The following GALNT13 variants were observed in gnomAD, a reference collection of about 807,000 sequenced individuals.
GALNT13 encodes UDP-GalNAc:polypeptide N-acetylgalactosaminyltransferase 13.
In GALNT13, 28 loss-of-function variants were observed where a neutral mutation model predicts 64.2. The observed-to-expected ratio is 0.44, with a 90% CI of 0.32 to 0.60. The LOEUF (loss-of-function observed/expected upper bound fraction) is 0.60, where lower values mean the gene tolerates loss of function less well. GALNT13 is among the 20% of genes least tolerant of loss of function. GALNT13 has a pLI of 0.05. For missense variants in GALNT13, 577 were observed against 669.8 expected, an observed-to-expected ratio of 0.86 and a Z score of 1.53; for synonymous variants, 214 against 224.6, an observed-to-expected ratio of 0.95 and a Z score of 0.42.
the GALNT13 span, among the ~76,000 whole-genome samples, chr2:153,361,436 G>T: frequency 3.9e-5 from 6 of 151,968 alleles, no homozygotes; most frequent in African/African-American, 1.5e-4. Flanking sequence ...AGCTAAAGGA[G>T]CATGGTCTAA....
chr2:153,171,433 A>G, the GALNT13 span, among the ~76,000 whole-genome samples: 4 of 152,306 alleles, frequency 2.6e-5, no homozygotes, highest in African/African-American at 9.6e-5. Context: ...TTAGAAATGC[A>G]AAAACAACTC....
At chr2:153,802,691 A>G in the GALNT13 span, among the ~76,000 whole-genome samples, 1 of 152,238 alleles carries the variant, frequency 6.6e-6, no homozygotes, top group Non-Finnish European at 1.5e-5. Flanking sequence ...CATCCTGCAG[A>G]GGAGAAATAG....
intron 2 of GALNT13, among the ~76,000 whole-genome samples, chr2:153,932,520 T>C (rs1158753680): frequency 6.6e-6 from 1 of 152,026 alleles, no homozygotes; most frequent in Admixed American, 6.6e-5. Context: ...ATTTCTACCT[T>C]AATTTCATTG....
the GALNT13 span, among the ~76,000 whole-genome samples, chr2:153,619,084 G>T: frequency 6.6e-6 from 1 of 151,804 alleles, no homozygotes; most frequent in Non-Finnish European, 1.5e-5. Flanking sequence ...GTTGTTTTGT[G>T]GACTGCTCTT....
At chr2:153,889,773 G>T (rs72863624) in intron 1 of GALNT13, among the ~76,000 whole-genome samples, 24,614 of 151,298 alleles carry the variant, frequency 0.16, 2,381 homozygotes, top group East Asian at 0.26. Context: ...AATGTAGCTA[G>T]TGATTTTGAG....
At chr2:153,110,061 T>C in the GALNT13 span, among the ~76,000 whole-genome samples, 1 of 152,124 alleles carries the variant, frequency 6.6e-6, no homozygotes, top group African/African-American at 2.4e-5. Context: ...TTTCAACAGA[T>C]GGTTTTAAAT....
chr2:153,197,618 G>A, the GALNT13 span, among the ~76,000 whole-genome samples: 1 of 152,220 alleles, frequency 6.6e-6, no homozygotes, highest in Non-Finnish European at 1.5e-5. Flanking sequence ...TAAGCACAGT[G>A]GACCAACACC....
chr2:153,825,208 T>A, the GALNT13 span, among the ~76,000 whole-genome samples: 1 of 152,322 alleles, frequency 6.6e-6, no homozygotes, highest in Admixed American at 6.5e-5. Context: ...AAGTCAAAGA[T>A]GCTGCTTAAT....
At chr2:154,031,399 A>G (rs949541517) in intron 3 of GALNT13, among the ~76,000 whole-genome samples, 1 of 152,070 alleles carries the variant, frequency 6.6e-6, no homozygotes, top group African/African-American at 2.4e-5. Context: ...TAGATTTTTA[A>G]TTTAACAGTG....
the GALNT13 span, among the ~76,000 whole-genome samples, chr2:153,727,877 T>G: frequency 7.9e-3 from 1,202 of 152,262 alleles, 16 homozygotes; most frequent in African/African-American, 0.027. Context: ...GTATTTGTCC[T>G]AATGCTCTCC....
At chr2:154,111,857 G>C (rs1703004360) in intron 3 of GALNT13, among the ~76,000 whole-genome samples, 1 of 152,170 alleles carries the variant, frequency 6.6e-6, no homozygotes, top group Admixed American at 6.5e-5. Context: ...AAATCCAGGT[G>C]CTTCAGGATG....
chr2:153,462,317 C>T, the GALNT13 span, among the ~76,000 whole-genome samples: 1 of 151,926 alleles, frequency 6.6e-6, no homozygotes, highest in South Asian at 2.1e-4. Flanking sequence ...ATATTTTCTG[C>T]ATTTAAATTT....
intron 9 of GALNT13, among the ~76,000 whole-genome samples, chr2:154,339,959 T>C (rs556864240): frequency 6.6e-6 from 1 of 152,252 alleles, no homozygotes; most frequent in African/African-American, 2.4e-5. Context: ...TTTTATGTTT[T>C]CTACCACAGA....
chr2:153,133,597 T>C, the GALNT13 span, among the ~76,000 whole-genome samples: 1 of 152,142 alleles, frequency 6.6e-6, no homozygotes, highest in Admixed American at 6.6e-5. Context: ...GAGGAGAAAG[T>C]CCTATAACAG....
the GALNT13 span, among the ~76,000 whole-genome samples, chr2:153,688,991 G>GGTGTGTGTGT: frequency 4.8e-3 from 628 of 130,184 alleles, 5 homozygotes; most frequent in East Asian, 0.016. Flanking sequence ...TAGAGGTAGG[G>GGTGTGTGTGT]GTGTGTGTGT....
At chr2:153,853,744 T>A in the GALNT13 span, among the ~76,000 whole-genome samples, 6 of 149,988 alleles carry the variant, frequency 4.0e-5, no homozygotes, top group African/African-American at 1.2e-4. Flanking sequence ...TACAATTGTA[T>A]AATATAATTA....
the GALNT13 span, among the ~76,000 whole-genome samples, chr2:153,437,400 T>G: frequency 6.6e-6 from 1 of 152,152 alleles, no homozygotes; most frequent in Non-Finnish European, 1.5e-5. Context: ...TCTGTCTCAT[T>G]GATCTGTCTA....
At chr2:153,679,147 A>G in the GALNT13 span, among the ~76,000 whole-genome samples, 1 of 151,886 alleles carries the variant, frequency 6.6e-6, no homozygotes, top group Non-Finnish European at 1.5e-5. Flanking sequence ...GCTTCCCACT[A>G]CATATGTCTT....
At chr2:153,483,223 G>C in the GALNT13 span, among the ~76,000 whole-genome samples, 1 of 151,924 alleles carries the variant, frequency 6.6e-6, no homozygotes, top group Non-Finnish European at 1.5e-5. Flanking sequence ...CCACTTCTAG[G>C]TATATACCCC....
Sources: allele counts gnomAD v4.1 joint callset (sites outside exome capture counted in the v4.1 genomes callset), GRCh38; gene constraint gnomAD v4.1.1; transcripts MANE v1.5; gene names NCBI Gene and HGNC (gene_info 2026-07-23, HGNC 2026-07-21).